Variants in SRGAP3 observed in about 807,000 individuals in gnomAD.
SRGAP3 encodes SLIT-ROBO Rho GTPase activating protein 3.
SRGAP3 carries 39 observed loss-of-function variants against 121.1 expected under a neutral mutation model. That is an observed-to-expected ratio of 0.32 (90% CI 0.25 to 0.42). The LOEUF is 0.42. Among genes scored for constraint, SRGAP3 ranks in the 10% least tolerant of loss-of-function variants. The pLI is 1.00. For missense variants in SRGAP3, 1,213 were observed against 1,470.6 expected (o/e 0.82, Z 2.86); for synonymous variants, 601 against 570.0 (o/e 1.05, Z -0.77).
chr3:9,243,712 A>G (rs1206874277), intron 1 of SRGAP3, among the ~76,000 whole-genome samples: 1 of 151,990 alleles, frequency 6.6e-6, no homozygotes, highest in South Asian at 2.1e-4. Context: ...AGCCTATCAC[A>G]GAGAAAATGA....
intron 8 of SRGAP3, among the ~76,000 whole-genome samples, chr3:9,054,229 G>T (rs1049375714): frequency 6.6e-6 from 1 of 152,326 alleles, no homozygotes; most frequent in African/African-American, 2.4e-5. Flanking sequence ...TGGGAAGGGG[G>T]CGGCAAACCT....
chr3:9,233,086 C>A (rs1953273712), intron 1 of SRGAP3, among the ~76,000 whole-genome samples: 1 of 152,196 alleles, frequency 6.6e-6, no homozygotes, highest in Admixed American at 6.5e-5. Flanking sequence ...ACTGGCTTAG[C>A]CGACATTTCT....
chr3:9,031,158 A>C (rs943621679), intron 12 of SRGAP3, among the ~76,000 whole-genome samples: 2 of 152,136 alleles, frequency 1.3e-5, no homozygotes, highest in Admixed American at 1.3e-4. Flanking sequence ...GCTCATCCTA[A>C]ATCACCTTCC....
chr3:9,175,327 T>G (rs1430483553), intron 1 of SRGAP3, among the ~76,000 whole-genome samples: 1 of 152,202 alleles, frequency 6.6e-6, no homozygotes, highest in East Asian at 1.9e-4. Flanking sequence ...TCTCCCCTAC[T>G]AGACGACGGG....
In SRGAP3 at chr3:8,983,985, A is replaced by C; in HGVS notation, c.*1534T>G. 1 of 230,748 alleles carries C rather than the reference A, an allele frequency of 4.3e-6. No homozygotes were observed. The highest frequency in any genetic ancestry group is 8.6e-6 in the Non-Finnish European group (1 of 116,434). The allele number at this position is 230,748 out of a possible 1,614,324, so 14.3% of individuals were successfully genotyped here. A position where few individuals can be genotyped will look rare whatever the true frequency, so the allele number is the denominator to read the frequency against. ...AGTAACAGCGGCCCACAGGGCACAC[A>C]GATTTGCCCGTGTGCCATTATCCAG... On this transcript the variant is annotated 3_prime_UTR_variant, in exon 22 of 22. Transcript: ENST00000383836.
chr3:9,144,084 T>C (rs778656761), intron 1 of SRGAP3, among the ~76,000 whole-genome samples: 20 of 152,128 alleles, frequency 1.3e-4, no homozygotes, highest in Non-Finnish European at 2.5e-4. Context: ...AATTCTTCTT[T>C]AGAACGCAAA....
chr3:9,127,595 G>A (rs370190821), intron 1 of SRGAP3, among the ~76,000 whole-genome samples: 32 of 152,050 alleles, frequency 2.1e-4, no homozygotes, highest in Non-Finnish European at 1.2e-4. Flanking sequence ...CGACAGGTGC[G>A]CACCACCACA....
At chr3:9,077,889 G>T (rs1480245047) in intron 4 of SRGAP3, among the ~76,000 whole-genome samples, 8 of 152,214 alleles carry the variant, frequency 5.3e-5, no homozygotes, top group African/African-American at 1.9e-4. Flanking sequence ...CAAGTGAAGG[G>T]ACTTGCCCAA....
chr3:9,001,297 C>T (rs527781888), intron 18 of SRGAP3, among the ~76,000 whole-genome samples: 38 of 152,248 alleles, frequency 2.5e-4, no homozygotes, highest in South Asian at 6.2e-4. Flanking sequence ...ACTGCTTACC[C>T]GGATCTAATC....
intron 1 of SRGAP3, among the ~76,000 whole-genome samples, chr3:9,244,118 T>C (rs1026422170): frequency 4.6e-5 from 7 of 152,234 alleles, no homozygotes; most frequent in Non-Finnish European, 1.5e-5. Context: ...AAGGTGATCT[T>C]CTAATCACTG....
intron 3 of SRGAP3, among the ~76,000 whole-genome samples, chr3:9,292,286 T>G (rs1954882955): frequency 6.6e-6 from 1 of 152,208 alleles, no homozygotes; most frequent in Non-Finnish European, 1.5e-5. Context: ...AATTTGTATT[T>G]CTAACGAGTT....
intron 3 of SRGAP3, among the ~76,000 whole-genome samples, chr3:9,266,154 T>C (rs79565308): frequency 6.6e-6 from 1 of 152,064 alleles, no homozygotes; most frequent in Admixed American, 6.5e-5. Flanking sequence ...TTCTCACTCA[T>C]AAGTGGGAGT....
chr3:9,056,839 C>T (rs1253497961), intron 7 of SRGAP3, among the ~76,000 whole-genome samples: 1 of 152,122 alleles, frequency 6.6e-6, no homozygotes, highest in African/African-American at 2.4e-5. Flanking sequence ...TTGACTGGGC[C>T]GAGGGCTGGA....
intron 3 of SRGAP3, among the ~76,000 whole-genome samples, chr3:9,314,934 T>C (rs912095042): frequency 2.0e-5 from 3 of 152,160 alleles, no homozygotes; most frequent in African/African-American, 7.2e-5. Context: ...TCCCAGCACA[T>C]TTGAACTCCA....
intron 1 of SRGAP3, among the ~76,000 whole-genome samples, chr3:9,341,750 C>T (rs888021486): frequency 2.6e-5 from 4 of 152,204 alleles, no homozygotes; most frequent in South Asian, 2.1e-4. Context: ...CCACCCACCT[C>T]GGCCTCCCAA....
At chr3:9,249,804 G>T (rs1330312970), upstream of SRGAP3, 4 of 199,728 alleles carry the variant, frequency 2.0e-5, no homozygotes, top group African/African-American at 9.2e-5. Flanking sequence ...GAAGGCAGCA[G>T]GAAAAGTAAT....
At chr3:9,356,466 G>A (rs372752127) in intron 1 of SRGAP3, among the ~76,000 whole-genome samples, 2 of 143,770 alleles carry the variant, frequency 1.4e-5, no homozygotes, top group East Asian at 2.1e-4. Flanking sequence ...GCTGCCTCCC[G>A]GGTTCATGCC....
At chr3:9,298,590 C>A (rs1028377995) in intron 3 of SRGAP3, among the ~76,000 whole-genome samples, 1 of 152,130 alleles carries the variant, frequency 6.6e-6, no homozygotes, top group African/African-American at 2.4e-5. Context: ...ATCTTGTAAC[C>A]ATTTGACCAG....
rs187526804 is a variant in SRGAP3, at chr3:9,173,275, C to G, written c.68-48358G>C. ...CACCCACATAAGCACAGAGGACAGG[C>G]TTACAGCCCAAAGTTCTAATGCCGG... On this transcript the variant is annotated intron_variant, in intron 1 of 21. Coordinates refer to ENST00000383836, the MANE Select transcript of SRGAP3 (RefSeq NM_014850.4). 1.2e-3 allele frequency among the ~76,000 whole-genome samples: 183 copies of G among 152,354 alleles called. 4 individuals are homozygous for G. Among genetic ancestry groups the G allele is most frequent in the South Asian group, 4.1e-4 (2 of 4,824 alleles).
Sources: allele counts gnomAD v4.1 joint callset (sites outside exome capture counted in the v4.1 genomes callset), GRCh38; gene constraint gnomAD v4.1.1; transcripts MANE v1.5; gene names NCBI Gene and HGNC (gene_info 2026-07-23, HGNC 2026-07-21).